The following HPSE2 variants were observed in gnomAD, a reference collection of about 807,000 sequenced individuals.
HPSE2 encodes inactive heparanase-2.
A neutral mutation model predicts 60.5 loss-of-function variants in HPSE2; 38 were observed. That is an observed-to-expected ratio of 0.63 (90% confidence interval 0.48 to 0.82). HPSE2 has a LOEUF of 0.82. HPSE2 is among the 40% of genes least tolerant of loss of function. HPSE2 has a pLI of 0.00. For missense variants in HPSE2, 713 were observed against 740.4 expected (o/e 0.96, Z 0.43); for synonymous variants, 295 against 293.2 (o/e 1.01, Z -0.06).
chr10:98,560,790 A>G (rs902925618), intron 9 of HPSE2, among the ~76,000 whole-genome samples: 1 of 152,246 alleles, frequency 6.6e-6, no homozygotes, highest in Non-Finnish European at 1.5e-5. Context: ...ATGACATCAT[A>G]GCCATTGTAA....
chr10:98,615,498 T>C (rs1238915513), intron 8 of HPSE2, among the ~76,000 whole-genome samples: 4 of 152,202 alleles, frequency 2.6e-5, no homozygotes, highest in African/African-American at 9.7e-5. Flanking sequence ...TATGCAAATA[T>C]AGTCTAGTCA....
intron 9 of HPSE2, among the ~76,000 whole-genome samples, chr10:98,572,265 T>A (rs1488801837): frequency 6.6e-6 from 1 of 152,190 alleles, no homozygotes; most frequent in East Asian, 1.9e-4. Context: ...TGGTTTTATT[T>A]CTAATTTCAA....
chr10:98,794,978 AG>A (rs2134498711), intron 3 of HPSE2, among the ~76,000 whole-genome samples: 1 of 94,176 alleles, frequency 1.1e-5, no homozygotes, highest in East Asian at 3.4e-4. Context: ...AGGGGAGGGG[AG>A]GGGAGGGAAA....
intron 3 of HPSE2, among the ~76,000 whole-genome samples, chr10:98,837,907 T>C (rs1009514794): frequency 6.6e-6 from 1 of 151,674 alleles, no homozygotes; most frequent in Non-Finnish European, 1.5e-5. Flanking sequence ...AGTATATCTG[T>C]GCGGTTTTGC....
chr10:98,991,282 T>C (rs995302184), intron 3 of HPSE2, among the ~76,000 whole-genome samples: 11 of 152,110 alleles, frequency 7.2e-5, no homozygotes, highest in African/African-American at 2.4e-4. Flanking sequence ...TGGGGACTGG[T>C]ATTTTATTTA....
chr10:99,305,971 GCGCGCGCGCACACACACACA>G, the HPSE2 span, among the ~76,000 whole-genome samples: 2 of 41,984 alleles, frequency 4.8e-5, no homozygotes, highest in African/African-American at 2.4e-4. Context: ...ACGCGCGCGC[GCGCGCGCGCACACACACACA>G]CACACACACA....
chr10:99,164,893 G>A (rs1301773116), intron 2 of HPSE2, among the ~76,000 whole-genome samples: 1 of 151,058 alleles, frequency 6.6e-6, no homozygotes, highest in Admixed American at 6.6e-5. Context: ...AGACCATCCT[G>A]GCTAACATGG....
chr10:98,635,783 T>C (rs1451117892), intron 7 of HPSE2, among the ~76,000 whole-genome samples: 5 of 29,482 alleles, frequency 1.7e-4, no homozygotes, highest in Admixed American at 5.5e-4. Flanking sequence ...CCCCATCTCA[T>C]GAAAAAAAAA....
chr10:98,508,623 T>G (rs1333280934), intron 9 of HPSE2, among the ~76,000 whole-genome samples: 1 of 152,190 alleles, frequency 6.6e-6, no homozygotes, highest in Non-Finnish European at 1.5e-5. Context: ...AGGGCAGGAC[T>G]CTATGAGAGC....
Position 98,693,909 on chromosome 10 carries a change from G to C in HPSE2, c.995C>G (p.Thr332Ser). 6.2e-7 allele frequency: 1 copy of C among 1,612,602 alleles called. No homozygotes were observed. Among genetic ancestry groups the C allele is most frequent in the Non-Finnish European group, 8.5e-7 (1 of 1,178,656 alleles). ...AATGGTGAATACCTACTGTTGCCAG[G>C]TAACTGCATCTACTGTACTTCCTGC... ...KVAGSTVDAV[T>S]WQHCYIDGRV... The change falls in exon 6 of 12, where the codon ACC (threonine) becomes AGC (serine). Residue 332 changes from threonine to serine, a missense_variant. Transcript: ENST00000370552.
At chr10:98,558,117 A>G (rs1402287183) in intron 9 of HPSE2, among the ~76,000 whole-genome samples, 1 of 152,184 alleles carries the variant, frequency 6.6e-6, no homozygotes, top group Non-Finnish European at 1.5e-5. Flanking sequence ...GAATGGCTAA[A>G]ATGAAAAAAA....
At chr10:98,500,491 C>A (rs1932797) in intron 9 of HPSE2, among the ~76,000 whole-genome samples, 10,586 of 152,224 alleles carry the variant, frequency 0.07, 424 homozygotes, top group African/African-American at 0.1. Context: ...AATAATGACA[C>A]AACCTGTCAA....
Position 99,235,603 on chromosome 10 carries a change from G to A in HPSE2, c.200C>T (p.Thr67Ile). 6.2e-7 allele frequency: 1 copy of A among 1,614,018 alleles called. No homozygotes were observed. The highest frequency in any genetic ancestry group is 8.5e-7 in the Non-Finnish European group (1 of 1,179,946). Reference sequence around the variant, plus strand: ...ATTGACTGTCCTGACTGGGTTCTTGGTGCTCACATCAAGTAGAATCAGGGT... The same window carrying A: ...ATTGACTGTCCTGACTGGGTTCTTGATGCTCACATCAAGTAGAATCAGGGT... ...EKTLILLDVS[T>I]KNPVRTVNEN... Residue 67 changes from threonine (T) to isoleucine (I), a missense_variant, in exon 1 of 12, where the codon ACC becomes ATC. Thr to Ile is a moderately conservative substitution (Grantham distance 89). Coordinates refer to ENST00000370552, the MANE Select transcript of HPSE2 (RefSeq NM_021828.5).
At chr10:99,286,466 T>C in the HPSE2 span, among the ~76,000 whole-genome samples, 3 of 152,230 alleles carry the variant, frequency 2.0e-5, no homozygotes, top group African/African-American at 2.4e-5. Context: ...ATTCCACTTA[T>C]ATGAAATATC....
intron 3 of HPSE2, among the ~76,000 whole-genome samples, chr10:98,841,372 A>G (rs941414194): frequency 1.3e-5 from 2 of 152,216 alleles, no homozygotes; most frequent in African/African-American, 4.8e-5. Context: ...CTATTATCCC[A>G]GTCCTTTAGG....
chr10:98,825,612 G>A (rs996870340), intron 3 of HPSE2, among the ~76,000 whole-genome samples: 2 of 151,296 alleles, frequency 1.3e-5, no homozygotes, highest in African/African-American at 4.9e-5. Flanking sequence ...CCCGGGGTTG[G>A]GGGGGCGGGG....
At chr10:99,131,437 A>T (rs926267152) in intron 3 of HPSE2, among the ~76,000 whole-genome samples, 14 of 152,132 alleles carry the variant, frequency 9.2e-5, no homozygotes, top group African/African-American at 3.4e-4. Flanking sequence ...ACTAGACTAA[A>T]CGCTCAACAA....
At chr10:98,839,059 T>C (rs995738535) in intron 3 of HPSE2, among the ~76,000 whole-genome samples, 1 of 152,224 alleles carries the variant, frequency 6.6e-6, no homozygotes, top group Non-Finnish European at 1.5e-5. Flanking sequence ...GATTCACATT[T>C]TACTACAGTA....
the HPSE2 span, among the ~76,000 whole-genome samples, chr10:99,306,817 C>T: frequency 6.6e-6 from 1 of 152,214 alleles, no homozygotes; most frequent in Non-Finnish European, 1.5e-5. Flanking sequence ...TCAAGTGATT[C>T]TCCTGCCTCA....
Sources: gnomAD v4.1 joint callset for allele counts (sites outside exome capture counted in the v4.1 genomes callset) on GRCh38, gnomAD v4.1.1 for gene constraint, MANE v1.5 for transcripts, NCBI Gene and HGNC (gene_info 2026-07-23, HGNC 2026-07-21) for gene names.